The following TENM1 variants were observed in gnomAD, a reference collection of about 807,000 sequenced individuals.
TENM1 encodes teneurin-1.
In TENM1, 35 loss-of-function variants were observed where a neutral mutation model predicts 174.8. The ratio of observed to expected loss-of-function variants is 0.20; its 90% CI spans 0.15 to 0.27. TENM1 has a LOEUF of 0.27. Ranked by LOEUF, TENM1 falls within the 10% of genes least tolerant of loss-of-function variation. The probability of loss-of-function intolerance (pLI) is 1.00; values close to 1 mark genes in which losing one functional copy is unlikely to be tolerated. For missense variants in TENM1, 1,633 were observed against 2,130.1 expected (o/e 0.77, Z 4.59); for synonymous variants, 781 against 798.7 (o/e 0.98, Z 0.37).
intron 6 of TENM1, among the ~76,000 whole-genome samples, chrX:124,671,283 T>C (rs1041534444): frequency 9.0e-6 from 1 of 111,239 alleles, no homozygotes; most frequent in African/African-American, 3.3e-5. Flanking sequence ...AAAAAGCTTT[T>C]TCGTATTACA....
At chrX:124,388,578 A>C (rs1333649696) in intron 28 of TENM1, among the ~76,000 whole-genome samples, 1 of 112,688 alleles carries the variant, frequency 8.9e-6, no homozygotes, top group Non-Finnish European at 1.9e-5. Context: ...ATAGGATAAA[A>C]GGCCATTTCT....
intron 3 of TENM1, among the ~76,000 whole-genome samples, chrX:124,794,561 A>C (rs1364384172): frequency 9.0e-6 from 1 of 110,826 alleles, no homozygotes; most frequent in Non-Finnish European, 1.9e-5. Flanking sequence ...GTCATCTCTC[A>C]TCTGAATAAG....
At chrX:125,154,937 A>G in the TENM1 span, among the ~76,000 whole-genome samples, 3 of 111,507 alleles carry the variant, frequency 2.7e-5, no homozygotes, top group Non-Finnish European at 5.6e-5. Flanking sequence ...GGACCCAAAG[A>G]GTGAGCAGCA....
exon 25 of TENM1, chrX:124,420,460 G>A (rs1360131169): frequency 5.8e-6 from 7 of 1,210,571 alleles, no homozygotes; most frequent in Admixed American, 2.2e-5. Flanking sequence ...ATACTTGTCC[G>A]CCAGGCACCA....
At chrX:124,580,772 T>C (rs1036959979) in intron 11 of TENM1, among the ~76,000 whole-genome samples, 2 of 111,027 alleles carry the variant, frequency 1.8e-5, no homozygotes, top group Non-Finnish European at 3.8e-5. Flanking sequence ...GCAGGTTTGT[T>C]ACCTAAGTAC....
At chrX:124,822,867 G>T (rs756352121) in intron 3 of TENM1, among the ~76,000 whole-genome samples, 1 of 111,891 alleles carries the variant, frequency 8.9e-6, no homozygotes, top group Non-Finnish European at 1.9e-5. Context: ...ACCCAGAATC[G>T]GTAACAGGTT....
chrX:124,841,911 A>G (rs1182978166), intron 3 of TENM1, among the ~76,000 whole-genome samples: 5 of 112,167 alleles, frequency 4.5e-5, no homozygotes, highest in Non-Finnish European at 9.4e-5. Flanking sequence ...ATGCATAATC[A>G]CCGTAGGTTG....
the TENM1 span, among the ~76,000 whole-genome samples, chrX:125,013,922 C>G: frequency 7.2e-5 from 8 of 111,351 alleles, no homozygotes; most frequent in Non-Finnish European, 1.3e-4. Context: ...GATGCTAAAC[C>G]GTTATTTGGA....
intron 3 of TENM1, among the ~76,000 whole-genome samples, chrX:124,832,051 T>G (rs368404926): frequency 2.7e-5 from 3 of 111,812 alleles, no homozygotes; most frequent in African/African-American, 9.8e-5. Flanking sequence ...TTTTTAACAG[T>G]GTTTTGTTTT....
In TENM1 at chrX:124,422,635, G is replaced by A. The variant is rs2060667328; in HGVS notation, c.4108C>T (p.Arg1370Ter). 8.3e-7 allele frequency: 1 copy of A among 1,205,374 alleles called. No homozygotes were observed. The change falls in exon 24 of 32, where the codon CGA (arginine) becomes TGA (stop). Residue 1370 changes from arginine (R) to a stop codon, truncating the protein, a stop_gained. Transcript: ENST00000422452. LOFTEE classifies it high-confidence loss of function. ...GCAAGGTCTGTTGGCCACTCTAATC[G>A]CACCTGTGAAACGAACAGAACACAT...
chrX:124,909,561 A>G (rs1365647025), intron 1 of TENM1, among the ~76,000 whole-genome samples: 2 of 112,359 alleles, frequency 1.8e-5, no homozygotes, highest in African/African-American at 6.5e-5. Context: ...ATATGAGTTT[A>G]ATGCATTTTT....
chrX:125,184,732 C>T, the TENM1 span, among the ~76,000 whole-genome samples: 171 of 111,477 alleles, frequency 1.5e-3, no homozygotes, highest in African/African-American at 5.3e-3. Context: ...ATCCTTTTGA[C>T]TTTTTTACAG....
intron 22 of TENM1, among the ~76,000 whole-genome samples, chrX:124,462,074 C>T (rs766438141): frequency 9.0e-6 from 1 of 111,045 alleles, no homozygotes; most frequent in African/African-American, 3.3e-5. Context: ...TTCATGTCAT[C>T]CCGTTTCTCT....
At position 124,707,919 on chromosome X, in the gene TENM1, G is replaced by A. The variant is rs543260903; in HGVS notation, c.777-2668C>T. On this transcript the variant is annotated intron_variant, in intron 4 of 31. Coordinates refer to ENST00000422452, the Ensembl canonical transcript of TENM1. ...ACCAGCTGTGGCCAAGATCCCGCCA[G>A]CATTTGGGGACTTCCCCCAGCCTAC... is the stretch of plus-strand genomic sequence containing the variant. Among the ~76,000 whole-genome samples the A allele has an allele frequency of 6.2e-5, 7 of 112,505 alleles. No homozygotes were observed. The South Asian group carries it at 2.6e-3, about 42-fold the overall frequency.
At chrX:124,849,427 C>T (rs1426982072) in intron 3 of TENM1, among the ~76,000 whole-genome samples, 3 of 101,198 alleles carry the variant, frequency 3.0e-5, no homozygotes, top group African/African-American at 9.0e-5. Context: ...CTTTTTTTCT[C>T]TCTCTCTCTC....
chrX:125,136,770 A>T, the TENM1 span, among the ~76,000 whole-genome samples: 1 of 112,182 alleles, frequency 8.9e-6, no homozygotes. Context: ...AAAACAATAC[A>T]GTATAACAAT....
chrX:125,134,263 C>A, the TENM1 span, among the ~76,000 whole-genome samples: 1 of 111,995 alleles, frequency 8.9e-6, no homozygotes, highest in African/African-American at 3.2e-5. Flanking sequence ...TATTCCAGAT[C>A]CAAATACAAG....
upstream of TENM1, among the ~76,000 whole-genome samples, chrX:124,965,197 C>T (rs995206305): frequency 1.3e-4 from 15 of 111,174 alleles, no homozygotes; most frequent in African/African-American, 4.9e-4. Context: ...TCTGCCTCAG[C>T]CTCCCGAGTA....
chrX:124,885,557 A>G lies in TENM1; in HGVS notation c.535+8739T>C, dbSNP rs528249315. 4.5e-5 allele frequency among the ~76,000 whole-genome samples: 5 copies of G among 110,989 alleles called. No individual in the cohort carries two copies. The South Asian group carries it at 1.9e-3, about 42-fold the overall frequency. On this transcript the variant is annotated intron_variant, in intron 3 of 31. Coordinates refer to ENST00000422452, the Ensembl canonical transcript of TENM1. ...TGGAAATTGCTCACATTTTAATTTA[A>G]GTGAAATATCAGGTTGTATGGATCC...
Sources: allele counts gnomAD v4.1 joint callset (sites outside exome capture counted in the v4.1 genomes callset), GRCh38; gene constraint gnomAD v4.1.1; transcripts MANE v1.5; gene names NCBI Gene and HGNC (gene_info 2026-07-23, HGNC 2026-07-21).